DHRS2: variants seen among roughly 807,000 people sequenced by gnomAD.
The protein encoded by DHRS2 is dehydrogenase/reductase SDR family member 2, mitochondrial.
In DHRS2, 29 loss-of-function variants were observed where a neutral mutation model predicts 26.3. The ratio of observed to expected loss-of-function variants is 1.10; its 90% CI spans 0.82 to 1.50. The LOEUF (loss-of-function observed/expected upper bound fraction) is 1.50. DHRS2 is among the 40% of genes most tolerant of loss of function. DHRS2 has a pLI of 0.00. For synonymous variants in DHRS2, 164 were observed against 151.3 expected, an observed-to-expected ratio of 1.08 and a Z score of -0.62; for missense variants, 439 against 367.1, an observed-to-expected ratio of 1.20 and a Z score of -1.60.
At chr14:23,639,436 G>T in intron 3 of DHRS2, 80 bp downstream of exon 3, 1 of 1,456,986 alleles carries the variant, frequency 6.9e-7, no homozygotes. Flanking sequence ...TTGTGGGGTG[G>T]GTCTAGAATA....
intron 5 of DHRS2, chr14:23,643,709 C>A: frequency 3.4e-6 from 1 of 298,424 alleles, no homozygotes; most frequent in Non-Finnish European, 6.5e-6. Flanking sequence ...CAGGGGCTGT[C>A]TTCAGTAGAA....
In DHRS2 at chr14:23,644,874, G is replaced by A. The variant is rs143149254; in HGVS notation, c.723G>A (p.Gln241=). The change falls in exon 8 of 9, where the codon CAG becomes CAA. Residue 241 remains glutamine (Q), a synonymous_variant. Transcript: ENST00000250383. ...SLWKNFKEHH[Q]LQRIGESEDC... ...GGAAGAACTTCAAGGAACATCATCA[G>A]CTGCAGAGGCAAGTGGGGTTTGGAG... The A allele has an allele frequency of 1.1e-5, 17 of 1,614,080 alleles. No homozygotes were observed. Among genetic ancestry groups the A allele is most frequent in the Non-Finnish European group, 1.4e-5 (17 of 1,180,046 alleles).
chr14:23,640,601 A>C, intron 4 of DHRS2: 3 of 233,906 alleles, frequency 1.3e-5, no homozygotes, highest in Non-Finnish European at 2.1e-5. Flanking sequence ...GATGAATCTC[A>C]TTCTTTCTGC....
chr14:23,630,667 A>G (rs1890095291), intron 1 of DHRS2, among the ~76,000 whole-genome samples: 1 of 152,228 alleles, frequency 6.6e-6, no homozygotes, highest in South Asian at 2.1e-4. Flanking sequence ...TCCTGGGAAT[A>G]TATTCCCAAG....
Position 23,639,866 on chromosome 14 carries a change from C to G in DHRS2, c.391C>G (p.Leu131Val), listed in dbSNP as rs142597988. 1.2e-6 allele frequency: 2 copies of G among 1,609,056 alleles called. No individual in the cohort carries two copies. The highest frequency in any genetic ancestry group is 2.7e-5 in the African/African-American group (2 of 74,618). The change falls in exon 4 of 9, where the codon CTG becomes GTG. Residue 131 changes from leucine to valine, a missense_variant. By Grantham distance (32) the Leu-to-Val change is conservative. Transcript: ENST00000250383. ...AGVNPLVGST[L>V]GTSEQIWDKI... Reference sequence around the variant, plus strand: ...GGTCAACCCTCTGGTAGGGAGCACTCTGGGGACCAGTGAGCAGATCTGGGA... The same window carrying G: ...GGTCAACCCTCTGGTAGGGAGCACTGTGGGGACCAGTGAGCAGATCTGGGA...
chr14:23,636,376 T>A lies in DHRS2; in HGVS notation c.-435T>A, dbSNP rs1890280716. 6.6e-6 allele frequency: 1 copy of A among 152,092 alleles called. No individual in the cohort carries two copies. Among genetic ancestry groups the A allele is most frequent in the South Asian group, 2.1e-4 (1 of 4,826 alleles). The allele number at this position is 152,092 out of a possible 1,614,324, so 9.4% of individuals were successfully genotyped here. A position where few individuals can be genotyped will look rare whatever the true frequency, so the allele number is the denominator to read the frequency against. On this transcript the variant is annotated 5_prime_UTR_variant, in exon 1 of 9. Coordinates refer to ENST00000250383, the MANE Select transcript of DHRS2 (RefSeq NM_005794.4). The stretch of plus-strand genomic sequence containing the variant: ...CTGAGCCGGCAGCAGCAACCTGCTC[T>A]GGTTCCCTTCCACGCTGTGGAAGCT...
chr14:23,630,991 G>T (rs915003949), intron 1 of DHRS2, among the ~76,000 whole-genome samples: 22 of 152,148 alleles, frequency 1.4e-4, no homozygotes, highest in Middle Eastern at 3.2e-3. Context: ...ATAATAGATT[G>T]TAAATATTTT....
upstream of DHRS2, among the ~76,000 whole-genome samples, chr14:23,631,697 G>C (rs1890122962): frequency 6.6e-6 from 1 of 152,152 alleles, no homozygotes; most frequent in Non-Finnish European, 1.5e-5. Flanking sequence ...AGCATGGAAA[G>C]GGGTATCAGA....
chr14:23,634,169 G>C (rs1380881810), upstream of DHRS2, among the ~76,000 whole-genome samples: 1 of 135,986 alleles, frequency 7.4e-6, no homozygotes, highest in Non-Finnish European at 1.5e-5. Flanking sequence ...CTGGGTTCAA[G>C]CGACTCTCCT....
At chr14:23,634,059 CTTTTTTTTTTTTTTT>C (rs58045171), upstream of DHRS2, among the ~76,000 whole-genome samples, 1 of 82,450 alleles carries the variant, frequency 1.2e-5, no homozygotes, top group Admixed American at 1.9e-4. Context: ...TTTGCCCCTT[CTTTTTTTTTTTTTTT>C]TTTTTTTTTT....
chr14:23,637,080 T>C (rs1890342058), intron 1 of DHRS2, among the ~76,000 whole-genome samples: 1 of 152,218 alleles, frequency 6.6e-6, no homozygotes, highest in African/African-American at 2.4e-5. Flanking sequence ...CCTGCGGCCA[T>C]GAGCGGAACT....
At chr14:23,640,316 C>T (rs1594244512) in intron 4 of DHRS2, 1 of 985,630 alleles carries the variant, frequency 1.0e-6, no homozygotes, top group Non-Finnish European at 1.2e-6. Context: ...TGACCTGTGC[C>T]TGTAGCGGAG....
At chr14:23,644,388 C>A (rs1355941674) in intron 6 of DHRS2, 21 bp from the exon 7 acceptor site, 2 of 1,613,740 alleles carry the variant, frequency 1.2e-6, no homozygotes, top group East Asian at 4.5e-5. Flanking sequence ...ATCCTAATCA[C>A]TCTGTCAATT....
chr14:23,633,634 G>A (rs1157998347), upstream of DHRS2, among the ~76,000 whole-genome samples: 2 of 152,172 alleles, frequency 1.3e-5, no homozygotes, highest in African/African-American at 2.4e-5. Context: ...AGAGGGAGGA[G>A]TGGAGCCTGT....
At chr14:23,641,799 C>T (rs1260445930) in intron 4 of DHRS2, 2 of 1,283,390 alleles carry the variant, frequency 1.6e-6, no homozygotes, top group Non-Finnish European at 2.0e-6. Context: ...CTTCCCACAT[C>T]CAAGGGATTG....
At chr14:23,638,013 CAATA>C (rs1329244986) in intron 1 of DHRS2, 3 of 152,220 alleles carry the variant, frequency 2.0e-5, no homozygotes, top group African/African-American at 7.2e-5. Context: ...TCGCTCTTTG[CAATA>C]AATCTTGATT....
upstream of DHRS2, among the ~76,000 whole-genome samples, chr14:23,634,265 A>T (rs1890205707): frequency 6.6e-6 from 1 of 151,686 alleles, no homozygotes; most frequent in African/African-American, 2.4e-5. Context: ...ATGAGGTTTC[A>T]CCATGTTGGC....
At chr14:23,639,926 G>T in intron 4 of DHRS2, 31 bp downstream of exon 4, 1 of 1,527,652 alleles carries the variant, frequency 6.5e-7, no homozygotes, top group Non-Finnish European at 8.8e-7. Context: ...AGGCGGCTGA[G>T]GGCCCGATTC....
chr14:23,632,123 G>T (rs551933418), upstream of DHRS2, among the ~76,000 whole-genome samples: 1 of 152,310 alleles, frequency 6.6e-6, no homozygotes, highest in South Asian at 2.1e-4. Context: ...CCTTCCAGCA[G>T]GGGGCGTCCT....
Sources: allele counts gnomAD v4.1 joint callset (sites outside exome capture counted in the v4.1 genomes callset), GRCh38; gene constraint gnomAD v4.1.1; transcripts MANE v1.5; gene names NCBI Gene and HGNC (gene_info 2026-07-23, HGNC 2026-07-21).